The following CNTN3 variants were observed in gnomAD, a reference collection of about 807,000 sequenced individuals.
CNTN3 encodes contactin 3, also known as contactin-3.
In CNTN3, 60 loss-of-function variants were observed where a neutral mutation model predicts 119.1. That is an observed-to-expected ratio of 0.50 (90% CI 0.41 to 0.62). CNTN3 has a LOEUF of 0.62. Ranked by LOEUF, CNTN3 falls within the 20% of genes least tolerant of loss-of-function variation. The pLI, the probability that CNTN3 is intolerant of heterozygous loss-of-function variation, is 0.00. For synonymous variants in CNTN3, 450 were observed against 438.7 expected (o/e 1.03, Z -0.32); for missense variants, 1,101 against 1,242.4 (o/e 0.89, Z 1.71).
intron 4 of CNTN3, among the ~76,000 whole-genome samples, chr3:74,461,430 G>A (rs1055811563): frequency 2.0e-5 from 3 of 151,786 alleles, no homozygotes; most frequent in African/African-American, 7.3e-5. Flanking sequence ...CCCTAAATTG[G>A]TAATTAGACC....
At chr3:74,603,586 C>T (rs564969937) in intron 1 of CNTN3, among the ~76,000 whole-genome samples, 1 of 152,028 alleles carries the variant, frequency 6.6e-6, no homozygotes, top group South Asian at 2.1e-4. Flanking sequence ...ATTTATACAA[C>T]AACAAAAAAG....
chr3:74,326,796 T>C (rs1031596524), intron 13 of CNTN3, among the ~76,000 whole-genome samples: 24 of 152,182 alleles, frequency 1.6e-4, no homozygotes, highest in African/African-American at 5.5e-4. Flanking sequence ...TAGTCACCTT[T>C]TATTTGTTTC....
chr3:74,489,968 G>T (rs2107054290), intron 3 of CNTN3, among the ~76,000 whole-genome samples: 1 of 152,242 alleles, frequency 6.6e-6, no homozygotes, highest in Middle Eastern at 3.4e-3. Flanking sequence ...AAACCCATCT[G>T]TCCCCTTTGC....
intron 2 of CNTN3, among the ~76,000 whole-genome samples, chr3:74,503,925 G>A (rs901532184): frequency 1.3e-5 from 2 of 151,992 alleles, no homozygotes; most frequent in African/African-American, 4.8e-5. Context: ...ACACCTACAG[G>A]CAACAAGGAA....
chr3:74,560,010 T>C (rs1410864309), intron 1 of CNTN3, among the ~76,000 whole-genome samples: 2 of 152,142 alleles, frequency 1.3e-5, no homozygotes. Context: ...GAGTGGCAAC[T>C]CAACAGGCAT....
At chr3:74,520,137 T>G (rs1362787718) in intron 2 of CNTN3, among the ~76,000 whole-genome samples, 2 of 150,932 alleles carry the variant, frequency 1.3e-5, no homozygotes, top group Non-Finnish European at 1.5e-5. Context: ...ATTATGTTTA[T>G]GTAGAAAAGT....
At chr3:74,433,102 G>A (rs2106913342) in intron 4 of CNTN3, among the ~76,000 whole-genome samples, 1 of 152,230 alleles carries the variant, frequency 6.6e-6, no homozygotes, top group East Asian at 1.9e-4. Context: ...AATTGCTACT[G>A]CAGTCAATGA....
At position 74,344,396 on chromosome 3, in the gene CNTN3, G is replaced by GTTTTTTTTTT. The variant is rs1274539668; in HGVS notation, c.1365-7739_1365-7738insAAAAAAAAAA. On this transcript the variant is annotated intron_variant, in intron 11 of 22. Coordinates refer to ENST00000263665, the MANE Select transcript of CNTN3 (RefSeq NM_020872.3). ...TAGTTCATTTACAACCTTACACAGT[G>GTTTTTTTTTT]GTTTTTTTTTTTTTTTTTTTTTTTT... Among the ~76,000 whole-genome samples the GTTTTTTTTTT allele has an allele frequency of 4.6e-5, 4 of 87,812 alleles. 2 individuals carry two copies. The highest frequency in any genetic ancestry group is 9.3e-5 in the Non-Finnish European group (4 of 43,006). 57.6% of individuals were successfully genotyped at this position (87,812 alleles called of 152,430 possible). A position where few individuals can be genotyped will look rare whatever the true frequency, so the allele number is the denominator to read the frequency against.
At chr3:74,399,313 G>C (rs1266575336) in intron 5 of CNTN3, among the ~76,000 whole-genome samples, 1 of 151,802 alleles carries the variant, frequency 6.6e-6, no homozygotes, top group Admixed American at 6.6e-5. Context: ...CTTTCTGACA[G>C]GCCCCAGTGT....
Position 74,264,434 on chromosome 3 carries a change from T to C in CNTN3, c.3054A>G (p.Ile1018Met), listed in dbSNP as rs1701629804. Residue 1018 changes from isoleucine (I) to methionine (M), a missense_variant, in exon 23 of 23, where the codon ATA becomes ATG. Physicochemically the swap from Ile to Met is conservative, Grantham distance 10. Transcript: ENST00000263665. ...NVHPMSSYMP[I>M]VLFLIVYVLW Reference sequence around the variant, plus strand: ...GGACATATACAATTAAGAACAGTACTATAGGCATATAACTTGACATAGGGT... The same window carrying C: ...GGACATATACAATTAAGAACAGTACCATAGGCATATAACTTGACATAGGGT... The C allele has an allele frequency of 1.2e-6, 2 of 1,609,966 alleles. No homozygotes were observed. The highest frequency in any genetic ancestry group is 1.7e-5 in the Admixed American group (1 of 59,844).
chr3:74,549,743 A>G (rs1453299679), intron 1 of CNTN3, among the ~76,000 whole-genome samples: 1 of 152,164 alleles, frequency 6.6e-6, no homozygotes, highest in African/African-American at 2.4e-5. Context: ...CTTGCAGCAG[A>G]TTAAGGTGGT....
At chr3:74,276,190 G>T (rs982035465) in intron 20 of CNTN3, among the ~76,000 whole-genome samples, 1 of 152,178 alleles carries the variant, frequency 6.6e-6, no homozygotes, top group Middle Eastern at 3.4e-3. Flanking sequence ...CACAATAATA[G>T]TGGGGGACTT....
At chr3:74,589,423 G>T (rs1704659419) in intron 1 of CNTN3, among the ~76,000 whole-genome samples, 1 of 146,806 alleles carries the variant, frequency 6.8e-6, no homozygotes, top group East Asian at 2.0e-4. Context: ...TCTCACACCA[G>T]TTAGAATGGC....
At chr3:74,596,613 C>G (rs967835772) in intron 1 of CNTN3, among the ~76,000 whole-genome samples, 14 of 152,034 alleles carry the variant, frequency 9.2e-5, no homozygotes, top group South Asian at 2.1e-4. Flanking sequence ...ATAAATGGTG[C>G]TGGGAAAACT....
intron 4 of CNTN3, among the ~76,000 whole-genome samples, chr3:74,442,822 C>T (rs1023324991): frequency 6.6e-6 from 1 of 152,152 alleles, no homozygotes; most frequent in Non-Finnish European, 1.5e-5. Flanking sequence ...GTAGGAGGTA[C>T]TTTTATTTTT....
In CNTN3 at chr3:74,369,885, T is replaced by G. The variant is rs1704294180; in HGVS notation, c.761+4A>C. ...CACATAGGAGTAAATGTTATAAAAC[T>G]TACTTTCCAAGGGCAAAACATTCCA... is the stretch of plus-strand genomic sequence containing the variant. On this transcript the variant is annotated splice_donor_region_variant and intron_variant, in intron 7 of 22. Transcript: ENST00000263665. 3.2e-6 allele frequency: 5 copies of G among 1,559,164 alleles called. No individual in the cohort carries two copies. The highest frequency in any genetic ancestry group is 4.4e-6 in the Non-Finnish European group (5 of 1,132,934).
At chr3:74,357,216 G>A (rs1307009479) in intron 11 of CNTN3, among the ~76,000 whole-genome samples, 1 of 152,050 alleles carries the variant, frequency 6.6e-6, no homozygotes, top group Non-Finnish European at 1.5e-5. Flanking sequence ...GTGAGCCACC[G>A]TGCCTGGCCG....
At chr3:74,326,983 T>C (rs186233854) in intron 13 of CNTN3, among the ~76,000 whole-genome samples, 1 of 152,242 alleles carries the variant, frequency 6.6e-6, no homozygotes, top group Non-Finnish European at 1.5e-5. Flanking sequence ...TAATTGGTCA[T>C]TATTTTTATT....
intron 22 of CNTN3, among the ~76,000 whole-genome samples, 182 bp from the exon 23 acceptor site, chr3:74,264,683 T>C (rs764593572): frequency 1.3e-5 from 2 of 152,120 alleles, no homozygotes; most frequent in South Asian, 2.1e-4. Flanking sequence ...CAATTTGACC[T>C]TGGGCTTCTC....
Sources: gnomAD v4.1 joint callset for allele counts (sites outside exome capture counted in the v4.1 genomes callset) on GRCh38, gnomAD v4.1.1 for gene constraint, MANE v1.5 for transcripts, NCBI Gene and HGNC (gene_info 2026-07-23, HGNC 2026-07-21) for gene names.